Variants in PLXDC1 observed in about 807,000 individuals in gnomAD.
PLXDC1 encodes plexin domain containing 1, also known as plexin domain-containing protein 1.
In PLXDC1, 39 loss-of-function variants were observed where a neutral mutation model predicts 61.3. The observed-to-expected ratio is 0.64, with a 90% CI of 0.49 to 0.83. PLXDC1 has a LOEUF of 0.83. Among genes scored for constraint, PLXDC1 ranks in the 40% least tolerant of loss-of-function variants. The pLI, the probability that PLXDC1 is intolerant of heterozygous loss-of-function variation, is 0.00. For synonymous variants in PLXDC1, 212 were observed against 254.5 expected (o/e 0.83, Z 1.59); for missense variants, 596 against 666.5 (o/e 0.89, Z 1.17).
Position 39,067,467 on chromosome 17 carries a change from C to T in PLXDC1, c.*373G>A, listed in dbSNP as rs1181758758. The T allele has an allele frequency of 1.8e-5, 3 of 167,302 alleles. No homozygotes were observed. The highest frequency in any genetic ancestry group is 7.1e-5 in the African/African-American group (3 of 41,964). 10.4% of individuals were successfully genotyped at this position (167,302 alleles called of 1,614,324 possible). A position where few individuals can be genotyped will look rare whatever the true frequency, so the allele number is the denominator to read the frequency against. On this transcript the variant is annotated 3_prime_UTR_variant, in exon 14 of 14. Transcript: ENST00000315392. Reference sequence around the variant, plus strand: ...GCAAACGGCATGATTCCTGTTTTTGCGTTTTATGTCAGTGCTCTAAAGTTA... The same window carrying T: ...GCAAACGGCATGATTCCTGTTTTTGTGTTTTATGTCAGTGCTCTAAAGTTA...
rs1330454746 is a variant in PLXDC1 at position 39,072,434 on chromosome 17, G to A, written c.1222+16C>T. 1 of 1,539,184 alleles carries A rather than the reference G, an allele frequency of 6.5e-7. No individual in the cohort carries two copies. Among genetic ancestry groups the A allele is most frequent in the Non-Finnish European group, 8.8e-7 (1 of 1,132,992 alleles). On this transcript the variant is annotated intron_variant, in intron 12 of 13. Coordinates refer to ENST00000315392, the MANE Select transcript of PLXDC1 (RefSeq NM_020405.5). ...GCGCTGGGTCTGACGCTGAGGGCAG[G>A]CAGTTCTGTACTCACCGTCTCCTCC...
chr17:39,070,711 C>G (rs900066753), intron 12 of PLXDC1, among the ~76,000 whole-genome samples: 3 of 152,202 alleles, frequency 2.0e-5, no homozygotes, highest in African/African-American at 7.2e-5. Flanking sequence ...GCCGCAGTGG[C>G]TCACCCCTGT....
At chr17:39,089,601 T>TAGAA (rs1045867762) in intron 7 of PLXDC1, among the ~76,000 whole-genome samples, 2 of 152,136 alleles carry the variant, frequency 1.3e-5, no homozygotes, top group African/African-American at 4.8e-5. Context: ...TTTTCGTCAC[T>TAGAA]AGAAGTAGGT....
rs1417308360 is a variant in PLXDC1, at chr17:39,079,110, T to C, written c.1044A>G (p.Ala348=). The part of the protein sequence containing the change: ...YRQEWMDYGC[A]QEAEGRMCED... ...AGATACTTATGCTTCTCACCTCCTGTGCACAGCCATAGTCCATCCACTCCT... is the reference window on the plus strand; with the variant it reads ...AGATACTTATGCTTCTCACCTCCTGCGCACAGCCATAGTCCATCCACTCCT... The change falls in exon 10 of 14, where the codon GCA becomes GCG. Residue 348 remains alanine (A), a synonymous_variant. Coordinates refer to ENST00000315392, the MANE Select transcript of PLXDC1 (RefSeq NM_020405.5). The C allele has an allele frequency of 6.2e-7, 1 of 1,613,552 alleles. No individual in the cohort carries two copies. Among genetic ancestry groups the C allele is most frequent in the Non-Finnish European group, 8.5e-7 (1 of 1,179,696 alleles).
chr17:39,063,658 CAG>C lies in PLXDC1; in HGVS notation c.*4180_*4181del, dbSNP rs1908790776. 1.7e-6 allele frequency: 1 copy of C among 605,778 alleles called. No homozygotes were observed. Among genetic ancestry groups the C allele is most frequent in the African/African-American group, 1.8e-5 (1 of 54,318 alleles). The allele number at this position is 605,778 out of a possible 1,614,324, so 37.5% of individuals were successfully genotyped here. A position where few individuals can be genotyped will look rare whatever the true frequency, so the allele number is the denominator to read the frequency against. ...TTATTATTAACACTGAGAATCCATG[CAG>C]AGAGTTTACACTAAACACATGAATA... is the stretch of plus-strand genomic sequence containing the variant. On this transcript the variant is annotated 3_prime_UTR_variant, in exon 14 of 14. Coordinates refer to ENST00000315392, the MANE Select transcript of PLXDC1 (RefSeq NM_020405.5).
intron 7 of PLXDC1, among the ~76,000 whole-genome samples, chr17:39,103,929 ACT>A (rs1184474729): frequency 2.0e-5 from 3 of 151,900 alleles, no homozygotes; most frequent in South Asian, 2.1e-4. Context: ...AGGTAGGGAA[ACT>A]CTGCGCCACT....
chr17:39,139,847 C>A lies in PLXDC1; in HGVS notation c.77-15G>T. 6.3e-7 allele frequency: 1 copy of A among 1,584,368 alleles called. No homozygotes were observed. Among genetic ancestry groups the A allele is most frequent in the Non-Finnish European group, 8.6e-7 (1 of 1,162,332 alleles). On this transcript the variant is annotated splice_polypyrimidine_tract_variant and intron_variant, in intron 1 of 13. Transcript: ENST00000315392. ...CTCATCGTGACCTGGGAGAAGGGGA[C>A]AGAAACCTGAGTGCCAGCAGTCCGG...
At chr17:39,087,730 G>A in intron 7 of PLXDC1, 28 bp from the exon 8 acceptor site, 1 of 1,554,486 alleles carries the variant, frequency 6.4e-7, no homozygotes, top group East Asian at 2.2e-5. Flanking sequence ...CCTGTTGTCA[G>A]GAGCATATCA....
chr17:39,116,789 CTAAG>C (rs1910981818), intron 2 of PLXDC1, among the ~76,000 whole-genome samples: 2 of 152,224 alleles, frequency 1.3e-5, no homozygotes, highest in African/African-American at 4.8e-5. Flanking sequence ...GGACATTGTC[CTAAG>C]TGTGACTGCC....
At position 39,134,639 on chromosome 17, in the gene PLXDC1, A is replaced by G. The variant is rs12451342; in HGVS notation, c.255+5015T>C. Among the ~76,000 whole-genome samples the G allele has an allele frequency of 3.6e-3, 468 of 130,718 alleles. 4 individuals carry two copies. Among genetic ancestry groups the G allele is most frequent in the African/African-American group, 0.011 (437 of 38,034 alleles). The allele number at this position is 130,718 out of a possible 152,430, so 85.8% of individuals were successfully genotyped here. On this transcript the variant is annotated intron_variant, in intron 2 of 13. Coordinates refer to ENST00000315392, the MANE Select transcript of PLXDC1 (RefSeq NM_020405.5). ...AGACTTTGTCTCTAAAAAAAAAAAA[A>G]GAAAAAGAAAAAACAAAGAAAAGAA...
chr17:39,144,144 G>A (rs1359723893), intron 1 of PLXDC1, among the ~76,000 whole-genome samples: 1 of 152,106 alleles, frequency 6.6e-6, no homozygotes, highest in African/African-American at 2.4e-5. Context: ...ACAGGGAGGG[G>A]GCCCAGCTGG....
chr17:39,073,574 C>A (rs935555695), intron 11 of PLXDC1, among the ~76,000 whole-genome samples: 1 of 152,228 alleles, frequency 6.6e-6, no homozygotes, highest in African/African-American at 2.4e-5. Flanking sequence ...AAGGTGGCCA[C>A]ACTGTGCCCA....
At chr17:39,079,364 C>T in intron 9 of PLXDC1, 200 bp from the exon 10 acceptor site, 1 of 609,916 alleles carries the variant, frequency 1.6e-6, no homozygotes, top group Non-Finnish European at 3.1e-6. Context: ...TCCCACCCAG[C>T]TCCCCAGGAC....
chr17:39,134,377 G>A (rs1205304117), intron 2 of PLXDC1, among the ~76,000 whole-genome samples: 1 of 151,948 alleles, frequency 6.6e-6, no homozygotes, highest in African/African-American at 2.4e-5. Flanking sequence ...TGTAATCCTA[G>A]CACTTTGGGA....
chr17:39,072,156 C>G, intron 12 of PLXDC1: 1 of 466,932 alleles, frequency 2.1e-6, no homozygotes, highest in Non-Finnish European at 3.9e-6. Context: ...CCTTCCCCTC[C>G]TCCCACTCCT....
At chr17:39,085,748 C>T (rs1909718000) in intron 8 of PLXDC1, among the ~76,000 whole-genome samples, 1 of 152,148 alleles carries the variant, frequency 6.6e-6, no homozygotes, top group South Asian at 2.1e-4. Flanking sequence ...GTCCTTCCCA[C>T]ACCCAAATGG....
intron 11 of PLXDC1, among the ~76,000 whole-genome samples, chr17:39,077,601 G>A (rs990340283): frequency 1.3e-5 from 2 of 152,200 alleles, no homozygotes; most frequent in African/African-American, 4.8e-5. Context: ...CTGAGATAAG[G>A]TATATAAAAT....
intron 7 of PLXDC1, 53 bp from the exon 8 acceptor site, chr17:39,087,755 C>G (rs545509700): frequency 6.0e-6 from 8 of 1,323,654 alleles, no homozygotes; most frequent in Non-Finnish European, 8.6e-6. Flanking sequence ...CAGAGGGCAT[C>G]GAGGCCTCTT....
At chr17:39,100,046 C>A (rs771591667) in intron 7 of PLXDC1, among the ~76,000 whole-genome samples, 2 of 152,160 alleles carry the variant, frequency 1.3e-5, no homozygotes, top group African/African-American at 2.4e-5. Flanking sequence ...CGCTTGCCTG[C>A]TCTGATGGAA....
Sources: gnomAD v4.1 joint callset for allele counts (sites outside exome capture counted in the v4.1 genomes callset) on GRCh38, gnomAD v4.1.1 for gene constraint, MANE v1.5 for transcripts, NCBI Gene and HGNC (gene_info 2026-07-23, HGNC 2026-07-21) for gene names.